Variants in SMAP1 observed in about 807,000 individuals in gnomAD.
SMAP1 encodes the protein small ArfGAP 1.
SMAP1 carries 24 observed loss-of-function variants against 58.5 expected under a neutral mutation model. The observed-to-expected ratio is 0.41, with a 90% confidence interval of 0.30 to 0.58. SMAP1 has a LOEUF of 0.58. Among genes scored for constraint, SMAP1 ranks in the 20% least tolerant of loss-of-function variants. The pLI, the probability that SMAP1 is intolerant of heterozygous loss-of-function variation, is 0.29. For synonymous variants in SMAP1, 216 were observed against 196.6 expected (o/e 1.10, Z -0.82); for missense variants, 563 against 566.3 (o/e 0.99, Z 0.06).
chr6:70,676,762 C>G (rs909717881), intron 1 of SMAP1, among the ~76,000 whole-genome samples: 1 of 152,086 alleles, frequency 6.6e-6, no homozygotes, highest in African/African-American at 2.4e-5. Context: ...TGTCTCATCA[C>G]TAAAGTTTAT....
intron 1 of SMAP1, among the ~76,000 whole-genome samples, chr6:70,723,769 C>T (rs1314233366): frequency 1.3e-5 from 2 of 152,070 alleles, no homozygotes; most frequent in Non-Finnish European, 2.9e-5. Flanking sequence ...GCATGTGCTG[C>T]TATTCTGAGT....
chr6:70,835,494 CTTTA>C (rs1390518506), intron 6 of SMAP1, among the ~76,000 whole-genome samples: 7 of 151,976 alleles, frequency 4.6e-5, no homozygotes, highest in Admixed American at 3.9e-4. Flanking sequence ...TGAATGTTTT[CTTTA>C]TTTATTTATT....
chr6:70,766,463 T>C (rs1291027933), intron 3 of SMAP1, among the ~76,000 whole-genome samples: 1 of 152,204 alleles, frequency 6.6e-6, no homozygotes, highest in African/African-American at 2.4e-5. Flanking sequence ...TGGTATCTCA[T>C]TGTGGTTTTG....
At position 70,759,587 on chromosome 6, in the gene SMAP1, T is replaced by C. The variant is rs553893500; in HGVS notation, c.338+4522T>C. 1.2e-4 allele frequency among the ~76,000 whole-genome samples: 18 copies of C among 152,238 alleles called. 1 individual carries two copies. The East Asian group carries it at 1.4e-3, about 11-fold the overall frequency. The stretch of plus-strand genomic sequence containing the variant: ...TATATCTTCTTGGTATCCTCACTTA[T>C]TGAACTATTCTATGCACCATTTTGT... On this transcript the variant is annotated intron_variant, in intron 3 of 10. Transcript: ENST00000370455.
At chr6:70,755,500 T>C (rs962371037) in intron 3 of SMAP1, among the ~76,000 whole-genome samples, 2 of 152,036 alleles carry the variant, frequency 1.3e-5, no homozygotes, top group Non-Finnish European at 2.9e-5. Flanking sequence ...TTAGAAGATT[T>C]TGCTCAACCG....
chr6:70,860,354 A>G lies in SMAP1; in HGVS notation c.*20A>G. Reference sequence around the variant, plus strand: ...AAATGAAAACTGCAATACAAGTTTCATCCAGAACTACCACCTGACATTCCT... The same window carrying G: ...AAATGAAAACTGCAATACAAGTTTCGTCCAGAACTACCACCTGACATTCCT... On this transcript the variant is annotated 3_prime_UTR_variant, in exon 11 of 11. Coordinates refer to ENST00000370455, the MANE Select transcript of SMAP1 (RefSeq NM_001044305.3). 2 of 1,596,340 alleles carry G rather than the reference A, an allele frequency of 1.3e-6. No homozygotes were observed. Among genetic ancestry groups the G allele is most frequent in the Non-Finnish European group, 1.7e-6 (2 of 1,171,878 alleles).
chr6:70,689,557 T>C (rs1767071955), intron 1 of SMAP1, among the ~76,000 whole-genome samples: 1 of 152,232 alleles, frequency 6.6e-6, no homozygotes, highest in South Asian at 2.1e-4. Context: ...CTATTCTAGG[T>C]TTCTTGAATT....
intron 2 of SMAP1, among the ~76,000 whole-genome samples, chr6:70,752,818 G>A (rs1172766754): frequency 1.3e-5 from 2 of 151,904 alleles, no homozygotes; most frequent in Non-Finnish European, 2.9e-5. Flanking sequence ...GTCACAAAAT[G>A]ATCTCTCTAC....
At chr6:70,702,620 TTTC>T (rs558995384) in intron 1 of SMAP1, among the ~76,000 whole-genome samples, 127 of 151,996 alleles carry the variant, frequency 8.4e-4, no homozygotes, top group Middle Eastern at 3.4e-3. Flanking sequence ...TCAGCCTTTC[TTTC>T]TTCTTCTTCT....
chr6:70,732,635 C>T (rs999017679), intron 2 of SMAP1, 124 bp downstream of exon 2: 37 of 768,092 alleles, frequency 4.8e-5, no homozygotes, highest in South Asian at 1.6e-4. Flanking sequence ...GCATATGCCA[C>T]GTATAAAATT....
At chr6:70,688,876 A>G (rs888512689) in intron 1 of SMAP1, among the ~76,000 whole-genome samples, 1 of 151,920 alleles carries the variant, frequency 6.6e-6, no homozygotes, top group Admixed American at 6.6e-5. Flanking sequence ...ATTTTCTCAT[A>G]TATTGTTTCC....
chr6:70,755,817 TG>T (rs1249759512), intron 3 of SMAP1, among the ~76,000 whole-genome samples: 1 of 152,000 alleles, frequency 6.6e-6, no homozygotes, highest in Non-Finnish European at 1.5e-5. Context: ...ATATATTCTT[TG>T]ATTACCTTTA....
At chr6:70,691,630 G>T (rs1767172498) in intron 1 of SMAP1, among the ~76,000 whole-genome samples, 1 of 151,722 alleles carries the variant, frequency 6.6e-6, no homozygotes, top group Non-Finnish European at 1.5e-5. Context: ...CCAGTTTCTG[G>T]TAATCATCAT....
Position 70,689,233 on chromosome 6 carries a change from T to C in SMAP1, c.118+21092T>C, listed in dbSNP as rs371577638. Among the ~76,000 whole-genome samples the C allele has an allele frequency of 3.9e-5, 6 of 152,158 alleles. No individual in the cohort carries two copies. The East Asian group carries it at 1.2e-3, about 29-fold the overall frequency. On this transcript the variant is annotated intron_variant, in intron 1 of 10. Transcript: ENST00000370455. Reference sequence around the variant, plus strand: ...TATGTTGGCAGGGCTGGTCTTGAACTCCCGACCTCAGGTGATCCACCCGCC... The same window carrying C: ...TATGTTGGCAGGGCTGGTCTTGAACCCCCGACCTCAGGTGATCCACCCGCC...
rs35171922 is a variant in SMAP1, at chr6:70,710,493, CAAAAAAAAAA to C, written c.119-21871_119-21862del. On this transcript the variant is annotated intron_variant, in intron 1 of 10. Coordinates refer to ENST00000370455, the MANE Select transcript of SMAP1 (RefSeq NM_001044305.3). ...TGGTGACAGAGCGAGACTCCCATCT[CAAAAAAAAAA>C]AAAAAAAAAAAAAGGGTAAACGGCA... 1.3e-3 allele frequency among the ~76,000 whole-genome samples: 101 copies of C among 75,312 alleles called. 1 individual carries two copies. Among genetic ancestry groups the C allele is most frequent in the African/African-American group, 5.2e-3 (98 of 18,980 alleles). The allele number at this position is 75,312 out of a possible 152,430, so 49.4% of individuals were successfully genotyped here.
At chr6:70,811,182 C>T (rs1389207958) in intron 6 of SMAP1, among the ~76,000 whole-genome samples, 1 of 152,158 alleles carries the variant, frequency 6.6e-6, no homozygotes, top group Non-Finnish European at 1.5e-5. Context: ...AGATGTCTAA[C>T]TACTCTGTGC....
chr6:70,682,447 C>T (rs537823849), intron 1 of SMAP1, among the ~76,000 whole-genome samples: 3 of 152,160 alleles, frequency 2.0e-5, no homozygotes, highest in African/African-American at 7.2e-5. Flanking sequence ...CCTTGGCCTC[C>T]CCAAATGCTG....
rs1768512396 is a variant in SMAP1, at chr6:70,721,228, A to G, written c.119-11150A>G. On this transcript the variant is annotated intron_variant, in intron 1 of 10. Coordinates refer to ENST00000370455, the MANE Select transcript of SMAP1 (RefSeq NM_001044305.3). ...ACTGAATGCCTTTAACACAACCCAA[A>G]TCACCTCTTGAATGCTTTGCTGCTT... is the stretch of plus-strand genomic sequence containing the variant. Among the ~76,000 whole-genome samples the G allele has an allele frequency of 2.0e-5, 3 of 152,090 alleles. No individual in the cohort carries two copies. The South Asian group carries it at 6.2e-4, about 32-fold the overall frequency.
At chr6:70,805,285 A>G (rs1336582329) in intron 6 of SMAP1, among the ~76,000 whole-genome samples, 1 of 151,998 alleles carries the variant, frequency 6.6e-6, no homozygotes, top group Admixed American at 6.6e-5. Flanking sequence ...CTTCCACTTG[A>G]TCAAATCAGC....
Sources: gnomAD v4.1 joint callset for allele counts (sites outside exome capture counted in the v4.1 genomes callset) on GRCh38, gnomAD v4.1.1 for gene constraint, MANE v1.5 for transcripts, NCBI Gene and HGNC (gene_info 2026-07-23, HGNC 2026-07-21) for gene names.